SLC8A3: variants seen among roughly 807,000 people sequenced by gnomAD.
The protein encoded by SLC8A3 is solute carrier family 8 member A3, also known as sodium/calcium exchanger 3.
A neutral mutation model predicts 65.4 loss-of-function variants in SLC8A3; 37 were observed. The observed-to-expected ratio is 0.57, with a 90% CI of 0.44 to 0.74. SLC8A3 has a LOEUF of 0.74. Among genes scored for constraint, SLC8A3 ranks in the 30% least tolerant of loss-of-function variants. The pLI is 0.00. For synonymous variants in SLC8A3, 461 were observed against 444.5 expected, an observed-to-expected ratio of 1.04 and a Z score of -0.47; for missense variants, 1,112 against 1,172.1, an observed-to-expected ratio of 0.95 and a Z score of 0.75.
chr14:70,168,246 G>A lies in SLC8A3; in HGVS notation c.177C>T (p.Ile59=), dbSNP rs548017510. The change falls in exon 2 of 7, where the codon ATC becomes ATT. Residue 59 remains isoleucine (I), a synonymous_variant. Transcript: ENST00000356921. ...SGSSDCKEGV[I]LPIWYPENPS... is the part of the protein sequence containing the mutation. ...GGTTCTCCGGGTACCAGATTGGCAGGATGACACCCTCCTTGCAGTCCGATG... is the reference window on the plus strand; with the variant it reads ...GGTTCTCCGGGTACCAGATTGGCAGAATGACACCCTCCTTGCAGTCCGATG... 5.6e-6 allele frequency: 9 copies of A among 1,614,146 alleles called. No homozygotes were observed. The highest frequency in any genetic ancestry group is 4.4e-5 in the South Asian group (4 of 91,076).
At chr14:70,172,086 C>T (rs978679958) in intron 1 of SLC8A3, among the ~76,000 whole-genome samples, 2 of 152,186 alleles carry the variant, frequency 1.3e-5, no homozygotes, top group African/African-American at 4.8e-5. Flanking sequence ...AGATAATCTT[C>T]TGTGGTTCCA....
At chr14:70,116,229 A>T (rs933060195) in intron 2 of SLC8A3, among the ~76,000 whole-genome samples, 1 of 152,152 alleles carries the variant, frequency 6.6e-6, no homozygotes, top group Non-Finnish European at 1.5e-5. Context: ...CCCCGCTCCC[A>T]AAAATACTAA....
At chr14:70,119,580 G>A (rs561616845) in intron 2 of SLC8A3, among the ~76,000 whole-genome samples, 40 of 152,302 alleles carry the variant, frequency 2.6e-4, no homozygotes, top group African/African-American at 9.6e-4. Context: ...GACTACACAG[G>A]CTACTTAGTG....
In SLC8A3 at chr14:70,167,229, G is replaced by T; in HGVS notation, c.1194C>A (p.Val398=). The stretch of plus-strand genomic sequence containing the variant: ...ACTGGTAAGAACATGGGTCAAAGAA[G>T]ACCTTGGAAATAAAGTCCTCAGGCT... ...TDEPEDFISK[V]FFDPCSYQCL... The change falls in exon 2 of 7, where the codon GTC becomes GTA. Residue 398 remains valine, a synonymous_variant. Coordinates refer to ENST00000356921, the MANE Select transcript of SLC8A3 (RefSeq NM_182932.3). The T allele has an allele frequency of 6.2e-7, 1 of 1,614,132 alleles. No homozygotes were observed. Among genetic ancestry groups the T allele is most frequent in the South Asian group, 1.1e-5 (1 of 91,068 alleles).
In SLC8A3 at chr14:70,045,192, C is replaced by T. The variant is rs982604950; in HGVS notation, c.*755G>A. 2 of 152,158 alleles carry T rather than the reference C, an allele frequency of 1.3e-5. No homozygotes were observed. The highest frequency in any genetic ancestry group is 2.9e-5 in the Non-Finnish European group (2 of 68,036). The allele number at this position is 152,158 out of a possible 1,614,324, so 9.4% of individuals were successfully genotyped here. ...GCTCCTCCTGCTCCAGTTGAAGCTC[C>T]TGTAAGATCTTTAGTACCCTGCGTG... On this transcript the variant is annotated 3_prime_UTR_variant, in exon 7 of 7. Transcript: ENST00000356921.
chr14:70,127,696 C>G (rs891214460), intron 2 of SLC8A3, among the ~76,000 whole-genome samples: 1 of 152,142 alleles, frequency 6.6e-6, no homozygotes, highest in African/African-American at 2.4e-5. Flanking sequence ...CCTGTTCAAC[C>G]CTCTATTTTA....
At position 70,167,520 on chromosome 14, in the gene SLC8A3, C is replaced by A. The variant is rs1594795026; in HGVS notation, c.903G>T (p.Leu301=). 6 of 1,614,040 alleles carry A rather than the reference C, an allele frequency of 3.7e-6. No individual in the cohort carries two copies. The highest frequency in any genetic ancestry group is 5.1e-6 in the Non-Finnish European group (6 of 1,180,032). The part of the protein sequence containing the change: ...MMNSHFLDGN[L]VPLEGKEVDE... ...CCACTTCCTTCCCTTCCAGGGGCACCAGGTTCCCATCTAGAAAATGGGAAT... is the reference window on the plus strand; with the variant it reads ...CCACTTCCTTCCCTTCCAGGGGCACAAGGTTCCCATCTAGAAAATGGGAAT... The change falls in exon 2 of 7, where the codon CTG becomes CTT. Residue 301 remains leucine, a synonymous_variant. Transcript: ENST00000356921.
intron 2 of SLC8A3, among the ~76,000 whole-genome samples, chr14:70,100,799 C>T (rs2140105524): frequency 6.6e-6 from 1 of 152,344 alleles, no homozygotes; most frequent in Middle Eastern, 3.4e-3. Flanking sequence ...CTGGAAAGAA[C>T]TCCTGATTAG....
intron 1 of SLC8A3, among the ~76,000 whole-genome samples, chr14:70,175,509 C>T (rs1296497110): frequency 6.6e-6 from 1 of 152,158 alleles, no homozygotes; most frequent in Non-Finnish European, 1.5e-5. Flanking sequence ...AGGTGAAGAA[C>T]TTTGGGCTCC....
In SLC8A3 at chr14:70,167,017, A is replaced by G; in HGVS notation, c.1406T>C (p.Ile469Thr). The G allele has an allele frequency of 6.2e-7, 1 of 1,614,044 alleles. No homozygotes were observed. The highest frequency in any genetic ancestry group is 8.5e-7 in the Non-Finnish European group (1 of 1,180,028). ...ATCCTCCTCAAAAATGTCGTCATCAATTATGCCCACGGAGAACTCCTTCTG... is the reference window on the plus strand; with the variant it reads ...ATCCTCCTCAAAAATGTCGTCATCAGTTATGCCCACGGAGAACTCCTTCTG... ...ETQKEFSVGIIDDDIFEEDEH... is the reference protein window; with the variant it reads ...ETQKEFSVGITDDDIFEEDEH... The change falls in exon 2 of 7, where the codon ATT (isoleucine) becomes ACT (threonine). Residue 469 changes from isoleucine (I) to threonine (T), a missense_variant. Physicochemically the swap from Ile to Thr is moderately conservative, Grantham distance 89 (BLOSUM62 -1). Coordinates refer to ENST00000356921, the MANE Select transcript of SLC8A3 (RefSeq NM_182932.3).
At chr14:70,139,419 G>GCAGAA (rs1895420872) in intron 2 of SLC8A3, among the ~76,000 whole-genome samples, 2 of 152,228 alleles carry the variant, frequency 1.3e-5, no homozygotes, top group Non-Finnish European at 2.9e-5. Flanking sequence ...GCAGAGCAGA[G>GCAGAA]CATTGAGTTC....
In SLC8A3 at chr14:70,044,377, T is replaced by A; in HGVS notation, c.*1570A>T. 7.5e-6 allele frequency: 1 copy of A among 133,640 alleles called. No homozygotes were observed. 8.3% of individuals were successfully genotyped at this position (133,640 alleles called of 1,614,324 possible). On this transcript the variant is annotated 3_prime_UTR_variant, in exon 7 of 7. Coordinates refer to ENST00000356921, the MANE Select transcript of SLC8A3 (RefSeq NM_182932.3). The stretch of plus-strand genomic sequence containing the variant: ...AATTAACAGGTGTTTTTTAATTTCT[T>A]CCCCCCCCCCCTTAGAAAATGTATT...
At chr14:70,055,729 G>C (rs1240354042) in intron 3 of SLC8A3, 2 of 1,361,636 alleles carry the variant, frequency 1.5e-6, no homozygotes, top group Admixed American at 4.3e-5. Flanking sequence ...AAAGGACATT[G>C]GTCTTAAACC....
At chr14:70,184,520 C>T (rs920340427) in intron 1 of SLC8A3, among the ~76,000 whole-genome samples, 24 of 152,314 alleles carry the variant, frequency 1.6e-4, no homozygotes, top group African/African-American at 5.3e-4. Flanking sequence ...ACTCTCCTCT[C>T]CTCTTTACTT....
chr14:70,180,839 G>A (rs1258384576), intron 1 of SLC8A3, among the ~76,000 whole-genome samples: 1 of 152,176 alleles, frequency 6.6e-6, no homozygotes, highest in Non-Finnish European at 1.5e-5. Flanking sequence ...ACATTGAGGA[G>A]TGCCAACCTG....
chr14:70,184,346 A>C (rs1883006943), intron 1 of SLC8A3, among the ~76,000 whole-genome samples: 1 of 152,162 alleles, frequency 6.6e-6, no homozygotes, highest in Non-Finnish European at 1.5e-5. Context: ...ACTCAGTGGA[A>C]ATTCTTAGCA....
chr14:70,180,410 G>A (rs145771596), intron 1 of SLC8A3, among the ~76,000 whole-genome samples: 274 of 152,246 alleles, frequency 1.8e-3, no homozygotes, highest in East Asian at 4.6e-3. Context: ...GGATGCTCTG[G>A]GTCCTCCTAT....
At chr14:70,092,728 C>T (rs1174113593) in intron 2 of SLC8A3, among the ~76,000 whole-genome samples, 1 of 152,032 alleles carries the variant, frequency 6.6e-6, no homozygotes, top group African/African-American at 2.4e-5. Flanking sequence ...TGGAGGGAAC[C>T]AGTTTGAGAG....
intron 1 of SLC8A3, among the ~76,000 whole-genome samples, chr14:70,173,697 GTTT>G (rs1051480599): frequency 3.3e-5 from 5 of 152,158 alleles, no homozygotes; most frequent in Admixed American, 6.5e-5. Flanking sequence ...TTACATAAAA[GTTT>G]TAGGTCCAGC....
Sources: gnomAD v4.1 joint callset for allele counts (sites outside exome capture counted in the v4.1 genomes callset) on GRCh38, gnomAD v4.1.1 for gene constraint, MANE v1.5 for transcripts, NCBI Gene and HGNC (gene_info 2026-07-23, HGNC 2026-07-21) for gene names.